ZNF443: variants seen among roughly 807,000 people sequenced by gnomAD.
ZNF443 encodes the protein Kruppel-type zinc finger (C2H2).
ZNF443 carries 3 observed loss-of-function variants against 12.0 expected under a neutral mutation model. The observed-to-expected ratio is 0.25, with a 90% CI of 0.11 to 0.64. ZNF443 has a LOEUF of 0.64. Ranked by LOEUF, ZNF443 falls within the 30% of genes least tolerant of loss-of-function variation. The pLI, the probability that ZNF443 is intolerant of heterozygous loss-of-function variation, is 0.84. For synonymous variants in ZNF443, 225 were observed against 265.9 expected (o/e 0.85, Z 1.50); for missense variants, 770 against 808.8 (o/e 0.95, Z 0.58).
intron 1 of ZNF443, among the ~76,000 whole-genome samples, chr19:12,433,926 T>C (rs1970283422): frequency 6.6e-6 from 1 of 151,596 alleles, no homozygotes; most frequent in South Asian, 2.1e-4. Flanking sequence ...GATTAATCCA[T>C]AATGGGTGAA....
At chr19:12,439,228 C>T (rs5005206) in intron 1 of ZNF443, among the ~76,000 whole-genome samples, 50,150 of 149,872 alleles carry the variant, frequency 0.33, 8,736 homozygotes, top group South Asian at 0.47. Flanking sequence ...AAATCATTTC[C>T]GTTTTTTTTC....
chr19:12,438,683 G>A (rs565672196), intron 1 of ZNF443, among the ~76,000 whole-genome samples: 22 of 151,858 alleles, frequency 1.4e-4, no homozygotes, highest in Admixed American at 5.9e-4. Flanking sequence ...GAAATCATCC[G>A]AAAAACAAAC....
rs1970236103 is a variant in ZNF443 at position 12,430,401 on chromosome 19, G to A, written c.1771C>T (p.Pro591Ser). The A allele has an allele frequency of 6.4e-7, 1 of 1,572,326 alleles. No homozygotes were observed. The change falls in exon 4 of 4, where the codon CCA becomes TCA. Residue 591 changes from proline to serine, a missense_variant. Physicochemically the swap from Pro to Ser is moderately conservative, Grantham distance 74. Coordinates refer to ENST00000301547, the MANE Select transcript of ZNF443 (RefSeq NM_005815.5). Reference sequence around the variant, plus strand: ...TGAGTGAAGGCTTTACCACATTGTGGACATTCATAGGATTTCTCTCTCATG... The same window carrying A: ...TGAGTGAAGGCTTTACCACATTGTGAACATTCATAGGATTTCTCTCTCATG... ...IHMREKSYEC[P>S]QCGKAFTHSR... is the part of the protein sequence containing the mutation.
intron 1 of ZNF443, 119 bp downstream of exon 1, chr19:12,440,793 G>T: frequency 6.4e-7 from 1 of 1,551,366 alleles, no homozygotes. Context: ...ACGCCAGGGG[G>T]ACCCGGGTCC....
At chr19:12,440,736 G>A (rs1291219108) in intron 1 of ZNF443, among the ~76,000 whole-genome samples, 176 bp downstream of exon 1, 1 of 152,186 alleles carries the variant, frequency 6.6e-6, no homozygotes, top group South Asian at 2.1e-4. Context: ...GGACGCCCGG[G>A]GTCCCGGCTG....
intron 3 of ZNF443, 77 bp from the exon 4 acceptor site, chr19:12,432,057 C>T (rs1159317367): frequency 4.7e-5 from 53 of 1,129,690 alleles, no homozygotes; most frequent in Non-Finnish European, 1.1e-5. Context: ...ATTGGATGTA[C>T]ATTTTTAACA....
chr19:12,434,411 A>G (rs980684404), intron 1 of ZNF443, among the ~76,000 whole-genome samples: 7 of 152,240 alleles, frequency 4.6e-5, no homozygotes, highest in Non-Finnish European at 8.8e-5. Flanking sequence ...TCTCAATGGA[A>G]AAATTTTAAA....
Position 12,430,906 on chromosome 19 carries a change from T to C in ZNF443, c.1266A>G (p.Lys422=). 1 of 1,614,066 alleles carries C rather than the reference T, an allele frequency of 6.2e-7. No homozygotes were observed. The highest frequency in any genetic ancestry group is 8.5e-7 in the Non-Finnish European group (1 of 1,179,976). ...MIMHTGDGPH[K]CKVCGKAFVY... The stretch of plus-strand genomic sequence containing the variant: ...CAAAGGCTTTCCCACATACCTTGCA[T>C]TTATGAGGTCCATCTCCAGTGTGCA... Residue 422 remains lysine, a synonymous_variant, in exon 4 of 4, where the codon AAA becomes AAG. Transcript: ENST00000301547.
chr19:12,430,868 A>C lies in ZNF443; in HGVS notation c.1304T>G (p.Val435Gly), dbSNP rs1256946890. The change falls in exon 4 of 4, where the codon GTA (valine) becomes GGA (glycine). Residue 435 changes from valine to glycine, a missense_variant. Coordinates refer to ENST00000301547, the MANE Select transcript of ZNF443 (RefSeq NM_005815.5). Reference protein sequence around the residue: ...VCGKAFVYPSVFQRHERTHTA... With the variant: ...VCGKAFVYPSGFQRHERTHTA... ...GTGAGTCCTTTCATGTCTTTGAAAT[A>C]CACTGGGATAAACAAAGGCTTTCCC... 2.5e-6 allele frequency: 4 copies of C among 1,613,780 alleles called. No individual in the cohort carries two copies. The East Asian group carries it at 8.9e-5, about 36-fold the overall frequency.
Position 12,440,933 on chromosome 19 carries a change from T to TC in ZNF443, c.-20dup. On this transcript the variant is annotated 5_prime_UTR_variant, in exon 1 of 4. Transcript: ENST00000301547. The stretch of plus-strand genomic sequence containing the variant: ...GCACCATTTCCCGACTTCCGCGGTG[T>TC]CCCAGGTCCTACCGACAGCTCCCGC... 6.2e-7 allele frequency: 1 copy of TC among 1,614,040 alleles called. No homozygotes were observed. Among genetic ancestry groups the TC allele is most frequent in the Non-Finnish European group, 8.5e-7 (1 of 1,179,960 alleles).
Position 12,431,194 on chromosome 19 carries a change from T to A in ZNF443, c.978A>T (p.Arg326Ser). 1 of 1,613,894 alleles carries A rather than the reference T, an allele frequency of 6.2e-7. No individual in the cohort carries two copies. Reference protein sequence around the residue: ...KAFSVSGSLQRHETTHSAEKP... With the variant: ...KAFSVSGSLQSHETTHSAEKP... ...TCTCTGCACTGTGAGTGGTTTCATG[T>A]CTTTGAAGGGAACCGGAAACACTGA... Residue 326 changes from arginine to serine, a missense_variant, in exon 4 of 4, where the codon AGA becomes AGT. Arg to Ser is a moderately radical substitution (Grantham distance 110). Coordinates refer to ENST00000301547, the MANE Select transcript of ZNF443 (RefSeq NM_005815.5).
intron 1 of ZNF443, among the ~76,000 whole-genome samples, chr19:12,438,992 C>G (rs1442289586): frequency 6.6e-6 from 1 of 152,180 alleles, no homozygotes; most frequent in African/African-American, 2.4e-5. Context: ...GCAGTGCTGA[C>G]TGGAACACAG....
rs1187259020 is a variant in ZNF443, at chr19:12,429,819, C to A, written c.*337G>T. On this transcript the variant is annotated 3_prime_UTR_variant, in exon 4 of 4. Transcript: ENST00000301547. ...TAGACTCTTTTCCTTATCATGATTC[C>A]CTAAACAATACAATAGAACAACTAT... is the stretch of plus-strand genomic sequence containing the variant. The A allele has an allele frequency of 5.2e-6, 2 of 381,096 alleles. No individual in the cohort carries two copies. The highest frequency in any genetic ancestry group is 4.1e-5 in the African/African-American group (2 of 49,224). The allele number at this position is 381,096 out of a possible 1,614,324, so 23.6% of individuals were successfully genotyped here.
rs536119522 is a variant in ZNF443, at chr19:12,432,138, G to A, written c.192-158C>T. 40 of 763,226 alleles carry A rather than the reference G, an allele frequency of 5.2e-5. No homozygotes were observed. In the African/African-American group the frequency reaches 5.6e-4, roughly 11 times the overall value. The allele number at this position is 763,226 out of a possible 1,614,324, so 47.3% of individuals were successfully genotyped here. On this transcript the variant is annotated intron_variant, in intron 3 of 3. Coordinates refer to ENST00000301547, the MANE Select transcript of ZNF443 (RefSeq NM_005815.5). ...GATGGAATGCTGTGCAAGGTAACTC[G>A]ACCCAGGTGTTCTCAAGACAATCAC...
intron 1 of ZNF443, among the ~76,000 whole-genome samples, chr19:12,439,322 TC>T (rs1970343028): frequency 6.6e-6 from 1 of 152,084 alleles, no homozygotes; most frequent in African/African-American, 2.4e-5. Context: ...AAGGTGAGTG[TC>T]CCAGGAGTTA....
rs1568239966 is a variant in ZNF443 at position 12,440,892 on chromosome 19, C to G, written c.3+20G>C. 6.2e-7 allele frequency: 1 copy of G among 1,614,088 alleles called. No homozygotes were observed. The highest frequency in any genetic ancestry group is 8.5e-7 in the Non-Finnish European group (1 of 1,179,976). ...ACCTAACCCCTCCCCCGCCTCGGGACGCCGGCCCAGCACACGCACCATTTC... is the reference window on the plus strand; with the variant it reads ...ACCTAACCCCTCCCCCGCCTCGGGAGGCCGGCCCAGCACACGCACCATTTC... On this transcript the variant is annotated intron_variant, in intron 1 of 3. Transcript: ENST00000301547.
chr19:12,437,000 C>T (rs1490166276), intron 1 of ZNF443, among the ~76,000 whole-genome samples: 2 of 150,994 alleles, frequency 1.3e-5, no homozygotes, highest in African/African-American at 4.9e-5. Flanking sequence ...GTTATATGAG[C>T]ATTACCCTAA....
intron 1 of ZNF443, among the ~76,000 whole-genome samples, chr19:12,439,407 C>T (rs1970343708): frequency 6.6e-6 from 1 of 152,134 alleles, no homozygotes; most frequent in African/African-American, 2.4e-5. Context: ...GGGGGCCACA[C>T]CTTCCATCTC....
chr19:12,440,396 T>G (rs925714616), intron 1 of ZNF443, among the ~76,000 whole-genome samples: 3 of 152,126 alleles, frequency 2.0e-5, no homozygotes, highest in Non-Finnish European at 4.4e-5. Context: ...GCCAACCAGG[T>G]TGAAGACCCC....
Sources: allele counts gnomAD v4.1 joint callset (sites outside exome capture counted in the v4.1 genomes callset), GRCh38; gene constraint gnomAD v4.1.1; transcripts MANE v1.5; gene names NCBI Gene and HGNC (gene_info 2026-07-23, HGNC 2026-07-21).